Variants in SLC3A1 observed in about 807,000 individuals in gnomAD.
SLC3A1 encodes the protein solute carrier family 3 member 1.
SLC3A1 carries 78 observed loss-of-function variants against 60.3 expected under a neutral mutation model. The ratio of observed to expected loss-of-function variants is 1.29; its 90% CI spans 1.08 to 1.56. SLC3A1 has a LOEUF of 1.56. SLC3A1 is among the 40% of genes most tolerant of loss of function. The pLI, the probability that SLC3A1 is intolerant of heterozygous loss-of-function variation, is 0.00. For missense variants in SLC3A1, 1,172 were observed against 858.9 expected, an observed-to-expected ratio of 1.36 and a Z score of -4.56; for synonymous variants, 392 against 307.9, an observed-to-expected ratio of 1.27 and a Z score of -2.86.
intron 4 of SLC3A1, among the ~76,000 whole-genome samples, chr2:44,295,570 A>C (rs1572800356): frequency 6.6e-6 from 1 of 152,330 alleles, no homozygotes; most frequent in East Asian, 1.9e-4. Flanking sequence ...CAGCATTTAA[A>C]ATGACTTTCA....
chr2:44,302,474 T>A (rs974447926), intron 6 of SLC3A1, among the ~76,000 whole-genome samples: 7 of 152,224 alleles, frequency 4.6e-5, no homozygotes, highest in Admixed American at 6.5e-5. Context: ...GTCTCCATTT[T>A]ATAGACAAGG....
In SLC3A1 at chr2:44,275,562, C is replaced by T. The variant is rs750494119; in HGVS notation, c.27C>T (p.Asp9=). 5 of 1,614,142 alleles carry T rather than the reference C, an allele frequency of 3.1e-6. No homozygotes were observed. Among genetic ancestry groups the T allele is most frequent in the African/African-American group, 1.3e-5 (1 of 75,058 alleles). The part of the protein sequence containing the change: MAEDKSKR[D]SIEMSMKGCQ... ...TGGCTGAAGATAAAAGCAAGAGAGA[C>T]TCCATCGAGATGAGTATGAAGGGAT... is the stretch of plus-strand genomic sequence containing the variant. The change falls in exon 1 of 10, where the codon GAC becomes GAT. Residue 9 remains aspartate (D), a synonymous_variant. Transcript: ENST00000260649.
At chr2:44,278,183 G>A (rs936373083) in intron 1 of SLC3A1, among the ~76,000 whole-genome samples, 3 of 152,076 alleles carry the variant, frequency 2.0e-5, no homozygotes, top group Non-Finnish European at 2.9e-5. Flanking sequence ...GGTGGCTCAC[G>A]CCTGTAATCC....
chr2:44,312,461 G>A, intron 7 of SLC3A1, 125 bp from the exon 8 acceptor site: 1 of 990,924 alleles, frequency 1.0e-6, no homozygotes, highest in Admixed American at 1.8e-5. Flanking sequence ...CTCAAGTCCA[G>A]GCTTGCTAGT....
chr2:44,287,694 ATGTTCTTGTTCT>A (rs1005048435), intron 4 of SLC3A1, among the ~76,000 whole-genome samples: 5 of 152,106 alleles, frequency 3.3e-5, no homozygotes, highest in African/African-American at 1.2e-4. Context: ...CATATCAGCT[ATGTTCTTGTTCT>A]TGTTCTTGCT....
intron 3 of SLC3A1, 78 bp downstream of exon 3, chr2:44,281,619 TTG>T: frequency 1.5e-6 from 2 of 1,372,414 alleles, no homozygotes; most frequent in African/African-American, 2.9e-5. Context: ...TAAAACCCTT[TTG>T]AGGGAAAAAT....
intron 9 of SLC3A1, chr2:44,319,519 CAAT>C (rs1450231242): frequency 5.3e-5 from 8 of 152,144 alleles, no homozygotes; most frequent in African/African-American, 1.7e-4. Flanking sequence ...ATTATATAGT[CAAT>C]AACAGAAAAT....
intron 3 of SLC3A1, among the ~76,000 whole-genome samples, chr2:44,282,989 G>A (rs762415364): frequency 6.6e-6 from 1 of 152,084 alleles, no homozygotes; most frequent in African/African-American, 2.4e-5. Flanking sequence ...AACAATATGC[G>A]TGTTGATCTG....
In SLC3A1 at chr2:44,320,615, G is replaced by A. The variant is rs1301672987; in HGVS notation, c.2034G>A (p.Leu678=). The A allele has an allele frequency of 1.2e-6, 2 of 1,613,840 alleles. No homozygotes were observed. The highest frequency in any genetic ancestry group is 1.7e-6 in the Non-Finnish European group (2 of 1,179,840). ...VSNRACYSSV[L]NILYTSC is the part of the protein sequence containing the mutation. Reference sequence around the variant, plus strand: ...ATCGAGCATGCTATTCCAGTGTACTGAACATACTGTATACCTCGTGTTAGG... The same window carrying A: ...ATCGAGCATGCTATTCCAGTGTACTAAACATACTGTATACCTCGTGTTAGG... Residue 678 remains leucine (L), a synonymous_variant, in exon 10 of 10, where the codon CTG becomes CTA. Transcript: ENST00000260649.
intron 9 of SLC3A1, 192 bp downstream of exon 9, chr2:44,314,143 TCTACCAAGTGAAGTGAAGTATC>T (rs1672366663): frequency 1.5e-6 from 2 of 1,362,030 alleles, no homozygotes; most frequent in Non-Finnish European, 2.0e-6. Context: ...CTGGTACAAA[TCTACCAAGTGAAGTGAAGTATC>T]ATATAGAATA....
intron 7 of SLC3A1, among the ~76,000 whole-genome samples, chr2:44,307,983 A>G (rs1269219673): frequency 1.3e-5 from 2 of 152,088 alleles, no homozygotes; most frequent in Admixed American, 1.3e-4. Flanking sequence ...TGAAAAATCA[A>G]CTGATTGTAG....
Position 44,301,071 on chromosome 2 carries a change from T to C in SLC3A1, c.1080T>C (p.Ile360=), listed in dbSNP as rs1248822798. 3 of 1,614,142 alleles carry C rather than the reference T, an allele frequency of 1.9e-6. No individual in the cohort carries two copies. The highest frequency in any genetic ancestry group is 2.5e-6 in the Non-Finnish European group (3 of 1,180,032). The change falls in exon 6 of 10, where the codon ATT becomes ATC. Residue 360 remains isoleucine (I), a synonymous_variant. Transcript: ENST00000260649. ...CCACGCAGGTGGGAATGCACGACAT[T>C]GTCCGCAGCTTCCGGCAGACCATGG... ...FTTTQVGMHD[I]VRSFRQTMDQ... is the part of the protein sequence containing the mutation.
rs373176089 is a variant in SLC3A1 at position 44,312,667 on chromosome 2, C to T, written c.1414C>T (p.Leu472Phe). 1.1e-5 allele frequency: 18 copies of T among 1,613,410 alleles called. No homozygotes were observed. Among genetic ancestry groups the T allele is most frequent in the African/African-American group, 2.7e-5 (2 of 74,904 alleles). Reference protein sequence around the residue: ...VNVMNMLLFTLPGTPITYYGE... With the variant: ...VNVMNMLLFTFPGTPITYYGE... ...CGTGATGAACATGCTTCTTTTCACA[C>T]TCCCTGGAACTCCTATAACTTACTA... The change falls in exon 8 of 10, where the codon CTC becomes TTC. Residue 472 changes from leucine to phenylalanine, a missense_variant. Leu to Phe is a conservative substitution (Grantham distance 22, BLOSUM62 0). Coordinates refer to ENST00000260649, the MANE Select transcript of SLC3A1 (RefSeq NM_000341.4).
At position 44,320,865 on chromosome 2, in the gene SLC3A1, C is replaced by T. The variant is rs539580406; in HGVS notation, c.*226C>T. 2.7e-3 allele frequency: 1,526 copies of T among 555,906 alleles called. 8 individuals are homozygous for T. The highest frequency in any genetic ancestry group is 5.9e-3 in the South Asian group (286 of 48,656). 34.4% of individuals were successfully genotyped at this position (555,906 alleles called of 1,614,324 possible). On this transcript the variant is annotated 3_prime_UTR_variant, in exon 10 of 10. Coordinates refer to ENST00000260649, the MANE Select transcript of SLC3A1 (RefSeq NM_000341.4). ...GCTTATAACTTTATTCAGATAGCAT[C>T]AATCAGGGATGACCAGAACACATTA...
At chr2:44,300,892 G>C in intron 5 of SLC3A1, 111 bp from the exon 6 acceptor site, 2 of 1,203,932 alleles carry the variant, frequency 1.7e-6, no homozygotes, top group Non-Finnish European at 2.5e-6. Context: ...GTTTGAGTGT[G>C]CGTCTCGCTT....
intron 1 of SLC3A1, among the ~76,000 whole-genome samples, chr2:44,278,653 C>G (rs1320536183): frequency 6.6e-6 from 1 of 152,056 alleles, no homozygotes; most frequent in African/African-American, 2.4e-5. Context: ...ATTCTAGACT[C>G]AAGTTGCTGA....
At chr2:44,303,324 A>C (rs1416760739) in intron 6 of SLC3A1, among the ~76,000 whole-genome samples, 1 of 147,934 alleles carries the variant, frequency 6.8e-6, no homozygotes, top group African/African-American at 2.5e-5. Context: ...TCTCACTGCA[A>C]CCTTCACCTC....
At chr2:44,319,790 C>T (rs1672770002) in intron 9 of SLC3A1, 1 of 178,860 alleles carries the variant, frequency 5.6e-6, no homozygotes, top group Non-Finnish European at 1.2e-5. Context: ...GGGGAACAAA[C>T]CCAAATTCCT....
intron 7 of SLC3A1, among the ~76,000 whole-genome samples, chr2:44,311,491 G>A (rs1321078738): frequency 6.6e-6 from 1 of 152,050 alleles, no homozygotes; most frequent in Admixed American, 6.5e-5. Flanking sequence ...ATTTTAAGTA[G>A]TATGACAATT....
Sources: gnomAD v4.1 joint callset for allele counts (sites outside exome capture counted in the v4.1 genomes callset) on GRCh38, gnomAD v4.1.1 for gene constraint, MANE v1.5 for transcripts, NCBI Gene and HGNC (gene_info 2026-07-23, HGNC 2026-07-21) for gene names.